The following USP53 variants were observed in gnomAD, a reference collection of about 807,000 sequenced individuals.
USP53 encodes the protein ubiquitin carboxyl-terminal hydrolase 53.
In USP53, 71 loss-of-function variants were observed where a neutral mutation model predicts 94.9. That is an observed-to-expected ratio of 0.75 (90% CI 0.62 to 0.91). The LOEUF (loss-of-function observed/expected upper bound fraction) is 0.91. Ranked by LOEUF, USP53 falls within the 40% of genes least tolerant of loss-of-function variation. USP53 has a pLI of 0.00. For missense variants in USP53, 1,173 were observed against 1,281.0 expected (o/e 0.92, Z 1.29); for synonymous variants, 375 against 422.7 (o/e 0.89, Z 1.39).
intron 1 of USP53, among the ~76,000 whole-genome samples, chr4:119,213,642 A>ATATAT: frequency 3.9e-5 from 1 of 25,490 alleles, no homozygotes; most frequent in African/African-American, 1.5e-4. Flanking sequence ...CTGGAAATAG[A>ATATAT]TATATATATA....
At chr4:119,230,959 G>T (rs1008944783) in intron 3 of USP53, among the ~76,000 whole-genome samples, 2 of 152,160 alleles carry the variant, frequency 1.3e-5, no homozygotes, top group Non-Finnish European at 2.9e-5. Context: ...CTGAAAGGTG[G>T]TCACTGTGGC....
chr4:119,250,288 T>C (rs1748791349), intron 7 of USP53, among the ~76,000 whole-genome samples: 1 of 152,244 alleles, frequency 6.6e-6, no homozygotes, highest in Admixed American at 6.5e-5. Flanking sequence ...AGACTAAGTC[T>C]ATGCCTACCA....
chr4:119,229,675 C>T (rs559300524), intron 3 of USP53, among the ~76,000 whole-genome samples: 1 of 152,216 alleles, frequency 6.6e-6, no homozygotes, highest in Admixed American at 6.5e-5. Context: ...CTACCACTGC[C>T]CTTGTGCAGG....
chr4:119,225,662 C>T (rs1745138506), intron 3 of USP53, among the ~76,000 whole-genome samples: 3 of 152,008 alleles, frequency 2.0e-5, no homozygotes, highest in African/African-American at 7.3e-5. Context: ...AGGAGAATGG[C>T]GTGAACCCGG....
chr4:119,288,566 A>G (rs1431508496), intron 17 of USP53, among the ~76,000 whole-genome samples: 1 of 152,226 alleles, frequency 6.6e-6, no homozygotes, highest in South Asian at 2.1e-4. Context: ...ATTAAAATAC[A>G]TCAGTCTGTC....
At chr4:119,224,063 T>C (rs1361669229) in intron 3 of USP53, among the ~76,000 whole-genome samples, 2 of 152,192 alleles carry the variant, frequency 1.3e-5, no homozygotes, top group Non-Finnish European at 2.9e-5. Flanking sequence ...GCAATGGTGC[T>C]ATCTTGGCTC....
intron 4 of USP53, among the ~76,000 whole-genome samples, chr4:119,237,522 G>A (rs1055822730): frequency 8.0e-5 from 12 of 150,926 alleles, no homozygotes; most frequent in Non-Finnish European, 1.8e-4. Flanking sequence ...GTCAGCCCTC[G>A]ACACAAGTGT....
Position 119,292,880 on chromosome 4 carries a change from GTA to G in USP53, c.2892_2893del (p.Thr965SerfsTer14). The G allele has an allele frequency of 6.2e-7, 1 of 1,614,088 alleles. No individual in the cohort carries two copies. The highest frequency in any genetic ancestry group is 8.5e-7 in the Non-Finnish European group (1 of 1,179,976). On this transcript the variant is annotated frameshift_variant, in exon 19 of 19. Coordinates refer to ENST00000692078, the MANE Select transcript of USP53 (RefSeq NM_001371395.1). LOFTEE classifies it low-confidence loss of function (END_TRUNC). The stretch of plus-strand genomic sequence containing the variant: ...TCTCATCTTCCGAAGCACAGTTTAA[GTA>G]CAGCTTCAGAACCAAGTTTAGAAGT...
At chr4:119,279,708 C>T (rs546451910) in intron 17 of USP53, among the ~76,000 whole-genome samples, 110 of 152,284 alleles carry the variant, frequency 7.2e-4, no homozygotes, top group Non-Finnish European at 1.2e-3. Context: ...GCCTCGCTGT[C>T]GCCTTGCAGT....
rs955017029 is a variant in USP53 at position 119,269,603 on chromosome 4, CTT to C, written c.1289-87_1289-86del. The C allele has an allele frequency of 1.0e-4, 95 of 913,650 alleles. 1 individual carries two copies. The African/African-American group carries it at 1.5e-3, about 15-fold the overall frequency. The allele number at this position is 913,650 out of a possible 1,614,324, so 56.6% of individuals were successfully genotyped here. ...ATATCTATGCTCTTTTTAAATATAT[CTT>C]AACATTTTTATATAGATCAATTTTT... On this transcript the variant is annotated intron_variant, in intron 14 of 18. Coordinates refer to ENST00000692078, the MANE Select transcript of USP53 (RefSeq NM_001371395.1).
rs781763734 is a variant in USP53 at position 119,256,425 on chromosome 4, G to A, written c.487-16G>A. 6 of 1,613,756 alleles carry A rather than the reference G, an allele frequency of 3.7e-6. No individual in the cohort carries two copies. The highest frequency in any genetic ancestry group is 1.7e-6 in the Non-Finnish European group (2 of 1,179,780). On this transcript the variant is annotated splice_polypyrimidine_tract_variant and intron_variant, in intron 8 of 18. Transcript: ENST00000692078. The stretch of plus-strand genomic sequence containing the variant: ...TTTATGATTGATAGATTAAACATAT[G>A]TTTTTACCTATATAGTGTGTGTGTC...
chr4:119,260,470 G>A, intron 10 of USP53, 37 bp from the exon 11 acceptor site: 1 of 1,590,722 alleles, frequency 6.3e-7, no homozygotes, highest in Non-Finnish European at 8.6e-7. Flanking sequence ...TGGTTTATCT[G>A]TTTTCATAAT....
intron 17 of USP53, 89 bp downstream of exon 17, chr4:119,273,797 T>G: frequency 1.0e-6 from 1 of 1,003,344 alleles, no homozygotes; most frequent in Non-Finnish European, 1.4e-6. Context: ...GAGAAAATCC[T>G]ATATGACTAT....
intron 17 of USP53, among the ~76,000 whole-genome samples, chr4:119,277,687 G>T (rs376498926): frequency 1.4e-5 from 2 of 147,882 alleles, no homozygotes; most frequent in South Asian, 4.4e-4. Context: ...TCTGTCTAAT[G>T]TTGACAGTGG....
intron 1 of USP53, among the ~76,000 whole-genome samples, chr4:119,213,660 A>ATATGTGTGTGTGTGTG: frequency 3.4e-5 from 4 of 117,790 alleles, no homozygotes; most frequent in African/African-American, 1.4e-4. Flanking sequence ...ATATATATAT[A>ATATGTGTGTGTGTGTG]TGTGTGTGTG....
chr4:119,222,305 A>G (rs77485190), intron 3 of USP53, among the ~76,000 whole-genome samples: 6,113 of 152,250 alleles, frequency 0.04, 422 homozygotes, highest in African/African-American at 0.14. Context: ...TCTTTGAGTT[A>G]GTAACATTCT....
chr4:119,291,042 A>C, intron 17 of USP53, 123 bp from the exon 18 acceptor site: 1 of 500,948 alleles, frequency 2.0e-6, no homozygotes, highest in Non-Finnish European at 3.4e-6. Flanking sequence ...TTAAATTGGA[A>C]GAGATTACCT....
chr4:119,291,154 C>T lies in USP53; in HGVS notation c.2252-11C>T, dbSNP rs370817838. Reference sequence around the variant, plus strand: ...TTCCTCATCTCTTCTCCCCACCCCACCCAACCCTAGGCTTTAGAAAAGAAC... The same window carrying T: ...TTCCTCATCTCTTCTCCCCACCCCATCCAACCCTAGGCTTTAGAAAAGAAC... On this transcript the variant is annotated splice_polypyrimidine_tract_variant and intron_variant, in intron 17 of 18. Coordinates refer to ENST00000692078, the MANE Select transcript of USP53 (RefSeq NM_001371395.1). 1.6e-5 allele frequency: 20 copies of T among 1,213,104 alleles called. 2 individuals are homozygous for T. Among genetic ancestry groups the T allele is most frequent in the Middle Eastern group, 2.0e-4 (1 of 5,020 alleles). 75.1% of individuals were successfully genotyped at this position (1,213,104 alleles called of 1,614,324 possible). A position where few individuals can be genotyped will look rare whatever the true frequency, so the allele number is the denominator to read the frequency against.
At chr4:119,243,732 A>G (rs1358833722) in intron 5 of USP53, among the ~76,000 whole-genome samples, 3 of 152,188 alleles carry the variant, frequency 2.0e-5, no homozygotes, top group Non-Finnish European at 2.9e-5. Context: ...GACTTCACTA[A>G]ACTTTATAAA....
Sources: gnomAD v4.1 joint callset for allele counts (sites outside exome capture counted in the v4.1 genomes callset) on GRCh38, gnomAD v4.1.1 for gene constraint, MANE v1.5 for transcripts, NCBI Gene and HGNC (gene_info 2026-07-23, HGNC 2026-07-21) for gene names.